ARHGAP10: variants seen among roughly 807,000 people sequenced by gnomAD.
ARHGAP10 encodes the protein rho GTPase-activating protein 10.
ARHGAP10 carries 87 observed loss-of-function variants against 108.6 expected under a neutral mutation model. That is an observed-to-expected ratio of 0.80 (90% CI 0.67 to 0.96). The LOEUF is 0.96. Ranked by LOEUF, ARHGAP10 falls within the 40% of genes least tolerant of loss-of-function variation. The pLI, the probability that ARHGAP10 is intolerant of heterozygous loss-of-function variation, is 0.00. For missense variants in ARHGAP10, 939 were observed against 954.5 expected (o/e 0.98, Z 0.21); for synonymous variants, 347 against 341.1 (o/e 1.02, Z -0.19).
chr4:147,901,183 A>G (rs1188967973), intron 10 of ARHGAP10, among the ~76,000 whole-genome samples: 2 of 152,232 alleles, frequency 1.3e-5, no homozygotes, highest in Non-Finnish European at 2.9e-5. Flanking sequence ...GCAATTGATT[A>G]TTAGAAAAGA....
At chr4:147,738,290 G>A (rs1373641562) in intron 1 of ARHGAP10, among the ~76,000 whole-genome samples, 1 of 152,126 alleles carries the variant, frequency 6.6e-6, no homozygotes, top group African/African-American at 2.4e-5. Flanking sequence ...GGTGGCTCAC[G>A]GCTATAATCC....
chr4:147,835,791 CA>C (rs113364763), intron 3 of ARHGAP10, among the ~76,000 whole-genome samples: 2 of 151,832 alleles, frequency 1.3e-5, no homozygotes, highest in African/African-American at 4.8e-5. Context: ...TTATGTAAAA[CA>C]AAAAAAAAAT....
At chr4:147,781,195 A>G (rs1730517019) in intron 1 of ARHGAP10, among the ~76,000 whole-genome samples, 1 of 152,030 alleles carries the variant, frequency 6.6e-6, no homozygotes, top group Non-Finnish European at 1.5e-5. Flanking sequence ...CGTCTCTACT[A>G]AAAAATACAA....
At chr4:147,983,420 C>T (rs1355802552) in intron 18 of ARHGAP10, among the ~76,000 whole-genome samples, 2 of 151,220 alleles carry the variant, frequency 1.3e-5, no homozygotes, top group African/African-American at 2.4e-5. Context: ...CTCCTGAGCT[C>T]GTGATCCGCC....
intron 18 of ARHGAP10, among the ~76,000 whole-genome samples, chr4:147,977,672 T>TTTAGA (rs1333086293): frequency 6.6e-6 from 1 of 152,078 alleles, no homozygotes; most frequent in Non-Finnish European, 1.5e-5. Context: ...TCCATTTTAT[T>TTTAGA]TTAGATTTGG....
intron 16 of ARHGAP10, among the ~76,000 whole-genome samples, chr4:147,956,040 A>G (rs1316121458): frequency 6.6e-6 from 1 of 152,084 alleles, no homozygotes; most frequent in African/African-American, 2.4e-5. Flanking sequence ...TAGTCTTCTG[A>G]AGTACACTGG....
rs10644088 is a variant in ARHGAP10 at position 147,736,120 on chromosome 4, CTG to C, written c.154+3698_154+3699del. On this transcript the variant is annotated intron_variant, in intron 1 of 22. Coordinates refer to ENST00000336498, the MANE Select transcript of ARHGAP10 (RefSeq NM_024605.4). ...TCTGTAGTGAACTTAAATTGTCTAG[CTG>C]TGTGTGTGTGTGTGTGTGTGTGTGT... Among the ~76,000 whole-genome samples, 798 of 144,126 alleles carry C rather than the reference CTG, an allele frequency of 5.5e-3. 2 individuals carry two copies. Among genetic ancestry groups the C allele is most frequent in the Non-Finnish European group, 7.8e-3 (511 of 65,398 alleles). 94.6% of individuals were successfully genotyped at this position (144,126 alleles called of 152,430 possible).
chr4:147,955,297 A>G lies in ARHGAP10; in HGVS notation c.1392-19A>G. ...TGTTTGGATTTATTTGATAATTCTGAGCTGTTCTTTTCACACAGGAGTCTT... is the reference window on the plus strand; with the variant it reads ...TGTTTGGATTTATTTGATAATTCTGGGCTGTTCTTTTCACACAGGAGTCTT... On this transcript the variant is annotated intron_variant, in intron 15 of 22. Transcript: ENST00000336498. The G allele has an allele frequency of 6.3e-7, 1 of 1,599,886 alleles. No homozygotes were observed. Among genetic ancestry groups the G allele is most frequent in the Non-Finnish European group, 8.5e-7 (1 of 1,171,138 alleles).
intron 10 of ARHGAP10, among the ~76,000 whole-genome samples, chr4:147,905,546 T>TA (rs1402689790): frequency 1.7e-5 from 2 of 116,496 alleles, no homozygotes; most frequent in East Asian, 4.4e-4. Context: ...TAGTTGTAGA[T>TA]ATGCGGCGTT....
intron 3 of ARHGAP10, among the ~76,000 whole-genome samples, chr4:147,828,261 A>G (rs1732805666): frequency 6.6e-6 from 1 of 152,230 alleles, no homozygotes. Context: ...AGTAATGTCA[A>G]CTATTTTAAA....
intron 18 of ARHGAP10, among the ~76,000 whole-genome samples, chr4:148,004,893 CAGAAAAT>C (rs1346042997): frequency 6.6e-6 from 1 of 152,118 alleles, no homozygotes; most frequent in Non-Finnish European, 1.5e-5. Context: ...AAGCATGAGT[CAGAAAAT>C]ATAATAAGAG....
intron 1 of ARHGAP10, among the ~76,000 whole-genome samples, chr4:147,753,970 C>T (rs1432053992): frequency 1.3e-5 from 2 of 152,176 alleles, no homozygotes; most frequent in African/African-American, 4.8e-5. Flanking sequence ...TCTGCTACTA[C>T]TCGTTCTAAG....
chr4:148,064,822 T>G (rs1378050878), intron 22 of ARHGAP10, among the ~76,000 whole-genome samples: 2 of 152,246 alleles, frequency 1.3e-5, no homozygotes, highest in African/African-American at 4.8e-5. Flanking sequence ...GTTTCTGATT[T>G]GCACACTTTA....
chr4:147,751,551 A>C (rs961154781), intron 1 of ARHGAP10, among the ~76,000 whole-genome samples: 1 of 151,804 alleles, frequency 6.6e-6, no homozygotes, highest in African/African-American at 2.4e-5. Context: ...TTTTTAGTAG[A>C]GATGGGGTTT....
chr4:147,969,927 G>A (rs1560851788), intron 18 of ARHGAP10, among the ~76,000 whole-genome samples: 3 of 152,172 alleles, frequency 2.0e-5, no homozygotes, highest in African/African-American at 4.8e-5. Context: ...AATGGACATC[G>A]AGTTTCAGAT....
chr4:147,922,875 G>C (rs1469275474), intron 13 of ARHGAP10, among the ~76,000 whole-genome samples: 1 of 152,034 alleles, frequency 6.6e-6, no homozygotes, highest in African/African-American at 2.4e-5. Flanking sequence ...ATATTGCCTG[G>C]TATTTTAAGT....
At chr4:147,932,344 C>T (rs540551020) in intron 13 of ARHGAP10, among the ~76,000 whole-genome samples, 68 of 152,130 alleles carry the variant, frequency 4.5e-4, no homozygotes, top group African/African-American at 1.4e-3. Flanking sequence ...ATTATAAAGA[C>T]GCATGCATAT....
chr4:147,883,255 C>CTTG (rs1735406532), intron 10 of ARHGAP10, among the ~76,000 whole-genome samples: 1 of 152,196 alleles, frequency 6.6e-6, no homozygotes, highest in South Asian at 2.1e-4. Flanking sequence ...GAGGTTGGGT[C>CTTG]TTGCTATGTT....
At chr4:147,804,533 C>G (rs1418082502) in intron 1 of ARHGAP10, among the ~76,000 whole-genome samples, 1 of 152,132 alleles carries the variant, frequency 6.6e-6, no homozygotes, top group Non-Finnish European at 1.5e-5. Context: ...AATGGGATTG[C>G]TGGGTCAAAT....
Sources: gnomAD v4.1 joint callset for allele counts (sites outside exome capture counted in the v4.1 genomes callset) on GRCh38, gnomAD v4.1.1 for gene constraint, MANE v1.5 for transcripts, NCBI Gene and HGNC (gene_info 2026-07-23, HGNC 2026-07-21) for gene names.